TPRG1: variants seen among roughly 807,000 people sequenced by gnomAD.
The protein encoded by TPRG1 is tumor protein p63-regulated gene 1 protein.
A neutral mutation model predicts 29.3 loss-of-function variants in TPRG1; 29 were observed. That is an observed-to-expected ratio of 0.99 (90% CI 0.74 to 1.35). The LOEUF is 1.35. TPRG1 is among the 40% of genes most tolerant of loss of function. The probability of loss-of-function intolerance (pLI) is 0.00; values close to 1 mark genes in which losing one functional copy is unlikely to be tolerated. For missense variants in TPRG1, 327 were observed against 335.0 expected (o/e 0.98, Z 0.19); for synonymous variants, 130 against 116.8 (o/e 1.11, Z -0.73).
rs141808035 is a variant in TPRG1, at chr3:188,997,984, A to ACATT, written c.-1015-2768_-1015-2765dup. Among the ~76,000 whole-genome samples, 1,136 of 152,184 alleles carry ACATT rather than the reference A, an allele frequency of 7.5e-3. 15 individuals are homozygous for ACATT. The highest frequency in any genetic ancestry group is 0.025 in the African/African-American group (1,045 of 41,484). ...ACCCTTGCCAGAGAAAAAAAAATTC[A>ACATT]CATTCATTCATTCATTCATTCATTC... On this transcript the variant is annotated intron_variant, in intron 1 of 10. Transcript: ENST00000433971.
At chr3:189,144,162 C>T (rs1335458279) in intron 3 of TPRG1, among the ~76,000 whole-genome samples, 1 of 152,184 alleles carries the variant, frequency 6.6e-6, no homozygotes, top group Admixed American at 6.5e-5. Context: ...ACAAATACTT[C>T]TTGAGCCCTT....
chr3:189,045,924 G>A (rs1370204403), intron 4 of TPRG1, among the ~76,000 whole-genome samples: 1 of 152,180 alleles, frequency 6.6e-6, no homozygotes, highest in Non-Finnish European at 1.5e-5. Context: ...AGGGGCTGGG[G>A]CCAGCAAGGG....
intron 1 of TPRG1, among the ~76,000 whole-genome samples, chr3:189,102,762 A>T (rs2152194076): frequency 6.6e-6 from 1 of 152,226 alleles, no homozygotes; most frequent in African/African-American, 2.4e-5. Context: ...TTTGTTTATT[A>T]ATTTTTTTAA....
intron 4 of TPRG1, among the ~76,000 whole-genome samples, chr3:189,302,111 T>C (rs991622197): frequency 2.0e-5 from 3 of 152,176 alleles, no homozygotes; most frequent in Admixed American, 6.5e-5. Flanking sequence ...TCAAAGTACT[T>C]AATGCTATTT....
intron 4 of TPRG1, among the ~76,000 whole-genome samples, chr3:189,261,205 G>A (rs750591893): frequency 2.0e-5 from 3 of 152,120 alleles, no homozygotes; most frequent in African/African-American, 2.4e-5. Context: ...GGAGGGAGGT[G>A]TGTGTGATGT....
Position 189,005,912 on chromosome 3 carries a change from A to G in TPRG1, c.-660+1152A>G, listed in dbSNP as rs186906681. On this transcript the variant is annotated intron_variant, in intron 3 of 10. Transcript: ENST00000433971. Reference sequence around the variant, plus strand: ...CAAAACAGGATGAAGCATGTAACAGAAAATGGAAGCATATGCAAAATGAAA... The same window carrying G: ...CAAAACAGGATGAAGCATGTAACAGGAAATGGAAGCATATGCAAAATGAAA... Among the ~76,000 whole-genome samples, 5 of 152,248 alleles carry G rather than the reference A, an allele frequency of 3.3e-5. No individual in the cohort carries two copies. The East Asian group carries it at 9.7e-4, about 29-fold the overall frequency.
At chr3:189,025,973 T>C (rs1235415478) in intron 4 of TPRG1, among the ~76,000 whole-genome samples, 1 of 152,222 alleles carries the variant, frequency 6.6e-6, no homozygotes, top group Non-Finnish European at 1.5e-5. Context: ...AAAATATTTT[T>C]AGGCCCTTAT....
chr3:189,011,088 A>G (rs1472614108), intron 3 of TPRG1, among the ~76,000 whole-genome samples: 3 of 151,968 alleles, frequency 2.0e-5, no homozygotes, highest in Non-Finnish European at 2.9e-5. Flanking sequence ...GTGTGGTCTC[A>G]TTTCTGTGTT....
upstream of TPRG1, among the ~76,000 whole-genome samples, chr3:189,095,216 C>T (rs556940034): frequency 6.6e-6 from 1 of 152,240 alleles, no homozygotes; most frequent in East Asian, 1.9e-4. Flanking sequence ...CTTCTAATTG[C>T]CAGTCTAGGA....
chr3:189,236,251 C>A (rs1366307342), intron 3 of TPRG1, among the ~76,000 whole-genome samples: 1 of 152,096 alleles, frequency 6.6e-6, no homozygotes, highest in Non-Finnish European at 1.5e-5. Context: ...TTTTCTGAAT[C>A]CTTTACCTTT....
At chr3:189,125,813 TTGTGTGTGTGTGTGTGTGTGTGTGTG>T (rs751689409) in intron 1 of TPRG1, among the ~76,000 whole-genome samples, 20 of 124,144 alleles carry the variant, frequency 1.6e-4, no homozygotes, top group Admixed American at 6.5e-4. Context: ...GCAGGGTGTT[TTGTGTGTGTGTGTGTGTGTGTGTGTG>T]TGTGTGTGTG....
chr3:189,121,650 T>C (rs1721839417), intron 1 of TPRG1: 1 of 152,222 alleles, frequency 6.6e-6, no homozygotes, highest in African/African-American at 2.4e-5. Context: ...ACAAATGTAC[T>C]CTTCCTTCCA....
At chr3:189,011,632 G>A (rs1468034601) in intron 3 of TPRG1, among the ~76,000 whole-genome samples, 1 of 152,134 alleles carries the variant, frequency 6.6e-6, no homozygotes, top group Non-Finnish European at 1.5e-5. Flanking sequence ...ATCATGAGAA[G>A]AGCATGGGAA....
At chr3:189,135,623 A>G (rs1723656037) in intron 3 of TPRG1, among the ~76,000 whole-genome samples, 1 of 152,162 alleles carries the variant, frequency 6.6e-6, no homozygotes, top group Non-Finnish European at 1.5e-5. Flanking sequence ...TAGCTGCTCA[A>G]ATGATTGCTC....
At chr3:189,284,085 C>A (rs567571204) in intron 4 of TPRG1, among the ~76,000 whole-genome samples, 2 of 152,276 alleles carry the variant, frequency 1.3e-5, no homozygotes, top group South Asian at 4.2e-4. Context: ...CCTCTGTAGT[C>A]TCACCCACGT....
Position 189,320,789 on chromosome 3 carries a change from A to G in TPRG1, c.797A>G (p.Tyr266Cys). 2 of 1,607,154 alleles carry G rather than the reference A, an allele frequency of 1.2e-6. No homozygotes were observed. Among genetic ancestry groups the G allele is most frequent in the Non-Finnish European group, 1.7e-6 (2 of 1,176,900 alleles). ...ATTGGAAACCGCAACAAACTTGGCT[A>G]TTCCCTTGCCCGTGGGAGTATTGGT... is the stretch of plus-strand genomic sequence containing the variant. Reference protein sequence around the residue: ...SFIGNRNKLGYSLARGSIGF With the variant: ...SFIGNRNKLGCSLARGSIGF Residue 266 changes from tyrosine to cysteine, a missense_variant, in exon 6 of 6, where the codon TAT becomes TGT. By Grantham distance (194) the Tyr-to-Cys change is radical (BLOSUM62 -2). Coordinates refer to ENST00000345063, the MANE Select transcript of TPRG1 (RefSeq NM_198485.4).
chr3:189,123,783 C>G (rs762858784), intron 1 of TPRG1: 1 of 152,194 alleles, frequency 6.6e-6, no homozygotes, highest in Non-Finnish European at 1.5e-5. Flanking sequence ...GCTGCGTGTG[C>G]TCTTGACCTC....
chr3:189,122,882 ATAGT>A (rs1393913025), intron 1 of TPRG1, among the ~76,000 whole-genome samples: 1 of 152,210 alleles, frequency 6.6e-6, no homozygotes, highest in Non-Finnish European at 1.5e-5. Context: ...ACTAAGTCAA[ATAGT>A]TAGATTATCT....
intron 4 of TPRG1, among the ~76,000 whole-genome samples, chr3:189,286,981 C>G (rs1446609675): frequency 6.6e-6 from 1 of 152,068 alleles, no homozygotes; most frequent in African/African-American, 2.4e-5. Flanking sequence ...TTGAGATTAA[C>G]AGAGGCTTAT....
Sources: allele counts gnomAD v4.1 joint callset (sites outside exome capture counted in the v4.1 genomes callset), GRCh38; gene constraint gnomAD v4.1.1; transcripts MANE v1.5; gene names NCBI Gene and HGNC (gene_info 2026-07-23, HGNC 2026-07-21).